PRDM12: variants seen among roughly 807,000 people sequenced by gnomAD.
PRDM12 encodes PR/SET domain 12.
In PRDM12, 17 loss-of-function variants were observed where a neutral mutation model predicts 29.6. The ratio of observed to expected loss-of-function variants is 0.57; its 90% CI spans 0.39 to 0.86. The LOEUF (loss-of-function observed/expected upper bound fraction) is 0.86, where lower values mean the gene tolerates loss of function less well. Ranked by LOEUF, PRDM12 falls within the 40% of genes least tolerant of loss-of-function variation. PRDM12 has a pLI of 0.00. For missense variants in PRDM12, 422 were observed against 510.8 expected (o/e 0.83, Z 1.68); for synonymous variants, 231 against 225.8 (o/e 1.02, Z -0.21).
rs920703936 is a variant in PRDM12, at chr9:130,681,717, A to C, written c.*48A>C. The C allele has an allele frequency of 2.0e-6, 2 of 978,434 alleles. No individual in the cohort carries two copies. The highest frequency in any genetic ancestry group is 2.4e-6 in the Non-Finnish European group (2 of 826,012). 60.6% of individuals were successfully genotyped at this position (978,434 alleles called of 1,614,324 possible). A position where few individuals can be genotyped will look rare whatever the true frequency, so the allele number is the denominator to read the frequency against. On this transcript the variant is annotated 3_prime_UTR_variant, in exon 5 of 5. Coordinates refer to ENST00000253008, the MANE Select transcript of PRDM12 (RefSeq NM_021619.3). The surrounding 1 kb of genome is among the most constrained non-coding windows in gnomAD (Gnocchi z 8.1). ...CCCCGCGCGCTCCTGGGTCCCCGGC[A>C]CCCCGGCCCCGCAGCGCGACTCGCC...
chr9:130,667,533 T>TCC (rs55664821), intron 2 of PRDM12, among the ~76,000 whole-genome samples: 1 of 151,146 alleles, frequency 6.6e-6, no homozygotes, highest in Non-Finnish European at 1.5e-5. Context: ...CCACTCCAGC[T>TCC]CCCCCCGGCG....
In PRDM12 at chr9:130,668,711, C is replaced by T. The variant is rs1244634057; in HGVS notation, c.570+398C>T. ...TTGGGGTGGGAGAGAGGGCGTGTGT[C>T]TGCAGCCGTTTAGCTGTCTGATGGC... On this transcript the variant is annotated intron_variant, in intron 3 of 4. Transcript: ENST00000253008. The surrounding 1 kb of genome is among the most constrained non-coding windows in gnomAD (Gnocchi z 4.0). Among the ~76,000 whole-genome samples the T allele has an allele frequency of 1.3e-5, 2 of 152,080 alleles. No homozygotes were observed. Among genetic ancestry groups the T allele is most frequent in the Non-Finnish European group, 2.9e-5 (2 of 68,022 alleles).
At position 130,668,073 on chromosome 9, in the gene PRDM12, GGA is replaced by G; in HGVS notation, c.415-81_415-80del. On this transcript the variant is annotated intron_variant, in intron 2 of 4. Transcript: ENST00000253008. This position sits in a 1 kb window ranked among gnomAD's most constrained non-coding sequence, Gnocchi z 4.0. ...CACTTCCTGGGGCTGTTGTGAGGAT[GGA>G]GAGTGTGTGTGTGGATGTGCCTGGA... The G allele has an allele frequency of 1.3e-6, 2 of 1,482,818 alleles. No individual in the cohort carries two copies. Among genetic ancestry groups the G allele is most frequent in the East Asian group, 2.3e-5 (1 of 43,424 alleles). 91.9% of individuals were successfully genotyped at this position (1,482,818 alleles called of 1,614,324 possible).
In PRDM12 at chr9:130,668,433, G is replaced by A. The variant is rs966273377; in HGVS notation, c.570+120G>A. 1.5e-5 allele frequency: 22 copies of A among 1,481,918 alleles called. No homozygotes were observed. Among genetic ancestry groups the A allele is most frequent in the African/African-American group, 1.1e-4 (8 of 72,600 alleles). The allele number at this position is 1,481,918 out of a possible 1,614,324, so 91.8% of individuals were successfully genotyped here. A position where few individuals can be genotyped will look rare whatever the true frequency, so the allele number is the denominator to read the frequency against. ...ACAGAGGGGAGCTGACACTGGCCTC[G>A]CTGGCTCTGCGCAGGCCATGGGGCT... On this transcript the variant is annotated intron_variant, in intron 3 of 4. Coordinates refer to ENST00000253008, the MANE Select transcript of PRDM12 (RefSeq NM_021619.3). The surrounding 1 kb of genome is among the most constrained non-coding windows in gnomAD (Gnocchi z 4.0).
chr9:130,664,707 G>T lies in PRDM12; in HGVS notation c.54G>T (p.Lys18Asn). The stretch of plus-strand genomic sequence containing the variant: ...CCCTGGTGCTCAAGACCGGGCTGAA[G>T]GCGCCGGGACTGGCGCTGGCCGAGG... The part of the protein sequence containing the change: ...AEALVLKTGL[K>N]APGLALAEVI... Residue 18 changes from lysine (K) to asparagine (N), a missense_variant, in exon 1 of 5, where the codon AAG becomes AAT. Coordinates refer to ENST00000253008, the MANE Select transcript of PRDM12 (RefSeq NM_021619.3). The surrounding 1 kb of genome is among the most constrained non-coding windows in gnomAD (Gnocchi z 6.4). 6.2e-7 allele frequency: 1 copy of T among 1,609,616 alleles called. No homozygotes were observed. Among genetic ancestry groups the T allele is most frequent in the Non-Finnish European group, 8.5e-7 (1 of 1,179,546 alleles).
Position 130,681,649 on chromosome 9 carries a change from C to T in PRDM12, c.1084C>T (p.Leu362=), listed in dbSNP as rs1308500340. ...AAAAAAAAHH[L]PAMVL ...CGCCGCCGCCGCCGCCGCGCACCAC[C>T]TGCCGGCCATGGTGCTGTGAGCGCG... Residue 362 remains leucine, a synonymous_variant, in exon 5 of 5, where the codon CTG becomes TTG. Transcript: ENST00000253008. This position sits in a 1 kb window ranked among gnomAD's most constrained non-coding sequence, Gnocchi z 8.1. 10 of 979,304 alleles carry T rather than the reference C, an allele frequency of 1.0e-5. No homozygotes were observed. The highest frequency in any genetic ancestry group is 8.9e-5 in the African/African-American group (5 of 56,420). The allele number at this position is 979,304 out of a possible 1,614,324, so 60.7% of individuals were successfully genotyped here.
In PRDM12 at chr9:130,672,117, G is replaced by A. The variant is rs117457905; in HGVS notation, c.570+3804G>A. Among the ~76,000 whole-genome samples, 1,382 of 152,290 alleles carry A rather than the reference G, an allele frequency of 9.1e-3. 14 individuals are homozygous for A. The highest frequency in any genetic ancestry group is 0.013 in the Non-Finnish European group (882 of 68,024). On this transcript the variant is annotated intron_variant, in intron 3 of 4. Coordinates refer to ENST00000253008, the MANE Select transcript of PRDM12 (RefSeq NM_021619.3). ...CACAGAATTTACTATAACTTCAGGTGCCTAAAATGACAGTTCTAGAAAGTG... is the reference window on the plus strand; with the variant it reads ...CACAGAATTTACTATAACTTCAGGTACCTAAAATGACAGTTCTAGAAAGTG...
At chr9:130,679,245 A>G (rs1830871007) in intron 4 of PRDM12, among the ~76,000 whole-genome samples, 1 of 152,128 alleles carries the variant, frequency 6.6e-6, no homozygotes, top group Admixed American at 6.5e-5. Context: ...TCTTGCCAAG[A>G]ATTGGGCTAA....
intron 3 of PRDM12, among the ~76,000 whole-genome samples, chr9:130,672,025 C>T (rs1830793625): frequency 6.6e-6 from 1 of 152,202 alleles, no homozygotes; most frequent in Admixed American, 6.5e-5. Flanking sequence ...GGAGGTTCCG[C>T]AGCAGGGCGT....
rs536725919 is a variant in PRDM12 at position 130,680,947 on chromosome 9, G to A, written c.683-301G>A. Among the ~76,000 whole-genome samples, 9 of 152,074 alleles carry A rather than the reference G, an allele frequency of 5.9e-5. No individual in the cohort carries two copies. The East Asian group carries it at 1.8e-3, about 30-fold the overall frequency. On this transcript the variant is annotated intron_variant, in intron 4 of 4. Transcript: ENST00000253008. ...CTCGGGCAATCGTACGCCCGAAAAG[G>A]CAGTGCTAGCTTTCCATTTTACAGA...
At chr9:130,667,833 G>A (rs1319895992) in intron 2 of PRDM12, among the ~76,000 whole-genome samples, 1 of 152,160 alleles carries the variant, frequency 6.6e-6, no homozygotes, top group Non-Finnish European at 1.5e-5. Context: ...TGCATCCCTT[G>A]AGAGAGCTCA....
At chr9:130,671,636 T>C (rs1830790334) in intron 3 of PRDM12, among the ~76,000 whole-genome samples, 1 of 152,234 alleles carries the variant, frequency 6.6e-6, no homozygotes. Context: ...ATTGTGTGTC[T>C]GGGTGTATGT....
At chr9:130,672,789 A>G (rs1490516613) in intron 3 of PRDM12, among the ~76,000 whole-genome samples, 1 of 152,132 alleles carries the variant, frequency 6.6e-6, no homozygotes, top group Non-Finnish European at 1.5e-5. Context: ...GGGGTTTCAG[A>G]CCCTGTGGAG....
chr9:130,679,049 T>A (rs901551419), intron 4 of PRDM12, among the ~76,000 whole-genome samples: 3 of 152,204 alleles, frequency 2.0e-5, no homozygotes, highest in Admixed American at 2.0e-4. Flanking sequence ...AGATAATCTC[T>A]AAGTTCCCTT....
rs775262497 is a variant in PRDM12 at position 130,681,230 on chromosome 9, G to T, written c.683-18G>T. ...TTCTCCGTCTCCCTTCCCCCGCCCCGCCCCGCCCCGCGGCCAGAGGACTTC... is the reference window on the plus strand; with the variant it reads ...TTCTCCGTCTCCCTTCCCCCGCCCCTCCCCGCCCCGCGGCCAGAGGACTTC... On this transcript the variant is annotated intron_variant, in intron 4 of 4. Coordinates refer to ENST00000253008, the MANE Select transcript of PRDM12 (RefSeq NM_021619.3). This position sits in a 1 kb window ranked among gnomAD's most constrained non-coding sequence, Gnocchi z 8.1. 83 of 1,442,448 alleles carry T rather than the reference G, an allele frequency of 5.8e-5. No individual in the cohort carries two copies. In the African/African-American group the frequency reaches 9.8e-4, roughly 17 times the overall value. 89.4% of individuals were successfully genotyped at this position (1,442,448 alleles called of 1,614,324 possible).
chr9:130,665,713 A>C (rs947647827), intron 1 of PRDM12, among the ~76,000 whole-genome samples: 3 of 152,132 alleles, frequency 2.0e-5, no homozygotes, highest in Non-Finnish European at 4.4e-5. Flanking sequence ...GAATGCGATC[A>C]CTTTAACAGC....
At chr9:130,666,560 C>T (rs759712234) in intron 1 of PRDM12, 48 bp from the exon 2 acceptor site, 3 of 1,577,102 alleles carry the variant, frequency 1.9e-6, no homozygotes, top group African/African-American at 2.8e-5. Context: ...AGGGCCGGGC[C>T]TCGGCTGCCT....
At chr9:130,678,470 C>T (rs1289921701) in intron 3 of PRDM12, 59 bp from the exon 4 acceptor site, 58 of 1,313,402 alleles carry the variant, frequency 4.4e-5, no homozygotes, top group Non-Finnish European at 5.7e-5. Flanking sequence ...CTCAGAGACC[C>T]CCAACTCTCA....
chr9:130,679,598 G>A (rs895405197), intron 4 of PRDM12, among the ~76,000 whole-genome samples: 11 of 152,070 alleles, frequency 7.2e-5, no homozygotes, highest in African/African-American at 2.7e-4. Context: ...CTCCCAAAGT[G>A]CTGAGATTAC....
Sources: allele counts gnomAD v4.1 joint callset (sites outside exome capture counted in the v4.1 genomes callset), GRCh38; gene constraint gnomAD v4.1.1; non-coding constraint Gnocchi (gnomAD v3.1); transcripts MANE v1.5; gene names NCBI Gene and HGNC (gene_info 2026-07-23, HGNC 2026-07-21).